SIAH1: variants seen among roughly 807,000 people sequenced by gnomAD.
SIAH1 encodes the protein siah E3 ubiquitin protein ligase 1.
SIAH1 carries 2 observed loss-of-function variants against 20.0 expected under a neutral mutation model. The observed-to-expected ratio is 0.10, with a 90% CI of 0.04 to 0.31. The LOEUF (loss-of-function observed/expected upper bound fraction) is 0.31. Ranked by LOEUF, SIAH1 falls within the 10% of genes least tolerant of loss-of-function variation. SIAH1 has a pLI of 1.00. For missense variants in SIAH1, 119 were observed against 355.3 expected (o/e 0.33, Z 5.35); for synonymous variants, 118 against 125.3 (o/e 0.94, Z 0.39).
chr16:48,380,947 A>AAAAAAAAAAAAAAAAAAC (rs1166023012), intron 1 of SIAH1, among the ~76,000 whole-genome samples: 1 of 150,020 alleles, frequency 6.7e-6, no homozygotes, highest in African/African-American at 2.4e-5. Context: ...AAAAAAAAAG[A>AAAAAAAAAAAAAAAAAAC]ACGGCTAAAA....
chr16:48,384,820 G>A (rs1961401057), intron 1 of SIAH1, among the ~76,000 whole-genome samples: 1 of 149,162 alleles, frequency 6.7e-6, no homozygotes, highest in African/African-American at 2.4e-5. Context: ...CACAACAAAG[G>A]CCGGCACGAG....
intron 1 of SIAH1, chr16:48,363,665 T>A (rs1231542208): frequency 6.0e-6 from 1 of 167,004 alleles, no homozygotes; most frequent in Non-Finnish European, 1.5e-5. Flanking sequence ...GGGGATGGAG[T>A]CAACAGGTGA....
chr16:48,380,928 C>CAAAAAAAAA (rs59376248), intron 1 of SIAH1, among the ~76,000 whole-genome samples: 734 of 44,896 alleles, frequency 0.016, 147 homozygotes, highest in African/African-American at 0.07. Context: ...GACTCCGTCT[C>CAAAAAAAAA]AAAAAAAAAA....
At chr16:48,371,373 C>A (rs1354368894) in intron 1 of SIAH1, among the ~76,000 whole-genome samples, 1 of 152,134 alleles carries the variant, frequency 6.6e-6, no homozygotes, top group Non-Finnish European at 1.5e-5. Flanking sequence ...CCTTACTTAC[C>A]CTGGTATGGA....
rs568152244 is a variant in SIAH1 at position 48,381,535 on chromosome 16, C to T, written c.-3+3669G>A. On this transcript the variant is annotated intron_variant, in intron 1 of 1. Transcript: ENST00000394725. Reference sequence around the variant, plus strand: ...TCCTTCAGTAGGTGAATGGATAAACCAACTGTGGTACATCTAGACAACAGA... The same window carrying T: ...TCCTTCAGTAGGTGAATGGATAAACTAACTGTGGTACATCTAGACAACAGA... Among the ~76,000 whole-genome samples, 3 of 152,254 alleles carry T rather than the reference C, an allele frequency of 2.0e-5. No individual in the cohort carries two copies. The East Asian group carries it at 5.8e-4, about 29-fold the overall frequency.
chr16:48,383,290 C>T (rs1961345918), intron 1 of SIAH1, among the ~76,000 whole-genome samples: 2 of 152,138 alleles, frequency 1.3e-5, no homozygotes, highest in Admixed American at 6.5e-5. Context: ...AACTAACCAT[C>T]CAAGATTACA....
rs914037838 is a variant in SIAH1, at chr16:48,361,073, T to G, written c.*507A>C. On this transcript the variant is annotated 3_prime_UTR_variant, in exon 2 of 2. Transcript: ENST00000394725. ...TGAATTACAGAAAAGTCAAATTTAT[T>G]TAATGAAAAACTAAAATTAATAAAA... The G allele has an allele frequency of 1.3e-5, 2 of 152,632 alleles. No homozygotes were observed. Among genetic ancestry groups the G allele is most frequent in the African/African-American group, 4.8e-5 (2 of 41,400 alleles). The allele number at this position is 152,632 out of a possible 1,614,324, so 9.5% of individuals were successfully genotyped here. A position where few individuals can be genotyped will look rare whatever the true frequency, so the allele number is the denominator to read the frequency against.
intron 1 of SIAH1, among the ~76,000 whole-genome samples, 162 bp downstream of exon 1, chr16:48,385,042 G>C (rs942728456): frequency 6.7e-6 from 1 of 148,404 alleles, no homozygotes; most frequent in African/African-American, 2.4e-5. Context: ...GCGCTCGACC[G>C]GGCGGCCCGA....
At chr16:48,363,246 G>A (rs1309262544) in intron 1 of SIAH1, 8 of 166,960 alleles carry the variant, frequency 4.8e-5, no homozygotes, top group Admixed American at 3.9e-4. Context: ...TACTCTAGAG[G>A]TGTATTTTGG....
chr16:48,384,706 G>A (rs1395324309), intron 1 of SIAH1, among the ~76,000 whole-genome samples: 3 of 151,244 alleles, frequency 2.0e-5, no homozygotes, highest in Non-Finnish European at 1.5e-5. Flanking sequence ...GTGCGGCCCG[G>A]GCCTCCGGGC....
intron 1 of SIAH1, chr16:48,365,189 G>T (rs1960781951): frequency 1.8e-6 from 1 of 568,996 alleles, no homozygotes; most frequent in Non-Finnish European, 3.1e-6. Context: ...AGGAACCAAG[G>T]ACAGCCCTGC....
chr16:48,370,139 T>C (rs1960946624), intron 1 of SIAH1, among the ~76,000 whole-genome samples: 1 of 152,204 alleles, frequency 6.6e-6, no homozygotes, highest in Admixed American at 6.5e-5. Flanking sequence ...GCTAAAGCAT[T>C]TTCCAAAATA....
At chr16:48,363,398 G>C (rs1003439145) in intron 1 of SIAH1, 1 of 167,014 alleles carries the variant, frequency 6.0e-6, no homozygotes, top group African/African-American at 2.4e-5. Flanking sequence ...CAAGAGTGAG[G>C]GGATGTACTC....
chr16:48,364,673 A>G (rs897671972), intron 1 of SIAH1, among the ~76,000 whole-genome samples: 5 of 152,214 alleles, frequency 3.3e-5, no homozygotes, highest in Non-Finnish European at 7.3e-5. Flanking sequence ...CACTTGTAAA[A>G]CAGTGGGCTC....
intron 1 of SIAH1, among the ~76,000 whole-genome samples, chr16:48,380,748 A>G (rs1227307238): frequency 1.3e-5 from 2 of 151,792 alleles, no homozygotes; most frequent in Non-Finnish European, 2.9e-5. Flanking sequence ...GCATGGCAAA[A>G]CCCCGTCTCT....
At chr16:48,377,287 C>G (rs1961134604) in intron 1 of SIAH1, among the ~76,000 whole-genome samples, 1 of 151,918 alleles carries the variant, frequency 6.6e-6, no homozygotes, top group Non-Finnish European at 1.5e-5. Flanking sequence ...AAAAACAAGT[C>G]AGTTCAAACA....
intron 1 of SIAH1, chr16:48,366,009 C>CA (rs1960824990): frequency 1.4e-6 from 1 of 706,788 alleles, no homozygotes; most frequent in South Asian, 6.8e-5. Context: ...CAGGGCGATG[C>CA]CCGTCTTGCT....
chr16:48,364,041 C>T (rs1960730963), intron 1 of SIAH1, among the ~76,000 whole-genome samples: 1 of 149,800 alleles, frequency 6.7e-6, no homozygotes, highest in Non-Finnish European at 1.5e-5. Context: ...CCTCTGCCTC[C>T]CAGGTTCAAG....
chr16:48,365,493 G>A (rs1328489920), intron 1 of SIAH1: 12 of 1,610,134 alleles, frequency 7.5e-6, no homozygotes, highest in Non-Finnish European at 1.0e-5. Flanking sequence ...GTCAGGCCAC[G>A]CATTGCGTTT....
Sources: allele counts gnomAD v4.1 joint callset (sites outside exome capture counted in the v4.1 genomes callset), GRCh38; gene constraint gnomAD v4.1.1; transcripts MANE v1.5; gene names NCBI Gene and HGNC (gene_info 2026-07-23, HGNC 2026-07-21).